The following HUWE1 variants were observed in gnomAD, a reference collection of about 807,000 sequenced individuals.
HUWE1 encodes HECT, UBA and WWE domain containing E3 ubiquitin protein ligase 1.
HUWE1 carries 18 observed loss-of-function variants against 299.4 expected under a neutral mutation model. The ratio of observed to expected loss-of-function variants is 0.06; its 90% CI spans 0.04 to 0.09. HUWE1 has a LOEUF of 0.09. Ranked by LOEUF, HUWE1 falls within the 10% of genes least tolerant of loss-of-function variation. The probability of loss-of-function intolerance (pLI) is 1.00; values close to 1 mark genes in which losing one functional copy is unlikely to be tolerated. For missense variants in HUWE1, 1,832 were observed against 3,462.3 expected (o/e 0.53, Z 11.82); for synonymous variants, 1,317 against 1,286.1 (o/e 1.02, Z -0.51).
At chrX:53,658,113 A>T (rs1458280804) in intron 3 of HUWE1, among the ~76,000 whole-genome samples, 1 of 110,025 alleles carries the variant, frequency 9.1e-6, no homozygotes, top group Non-Finnish European at 1.9e-5. Flanking sequence ...TTTGAAATAA[A>T]AAACATTTAT....
At chrX:53,668,764 A>G (rs2069378876) in intron 3 of HUWE1, among the ~76,000 whole-genome samples, 2 of 112,438 alleles carry the variant, frequency 1.8e-5, no homozygotes, top group South Asian at 7.2e-4. Context: ...AGACAGAAAT[A>G]CAGATATATA....
At chrX:53,548,391 G>C in intron 67 of HUWE1, 118 bp from the exon 68 acceptor site, 2 of 842,656 alleles carry the variant, frequency 2.4e-6, no homozygotes, top group Non-Finnish European at 3.4e-6. Flanking sequence ...GTAAATATTG[G>C]GGGATATGTC....
chrX:53,547,590 G>A, intron 68 of HUWE1, 83 bp downstream of exon 68: 2 of 1,168,704 alleles, frequency 1.7e-6, no homozygotes, highest in Non-Finnish European at 1.1e-6. Flanking sequence ...CTATCACTGA[G>A]GGAGAACTAT....
intron 7 of HUWE1, among the ~76,000 whole-genome samples, chrX:53,636,526 C>T (rs1557026548): frequency 8.9e-6 from 1 of 112,029 alleles, no homozygotes; most frequent in Non-Finnish European, 1.9e-5. Context: ...GAGTTCGACA[C>T]CAGCTTGCCC....
At chrX:53,635,601 A>G (rs1297667411) in intron 7 of HUWE1, among the ~76,000 whole-genome samples, 3 of 112,091 alleles carry the variant, frequency 2.7e-5, no homozygotes, top group Admixed American at 1.9e-4. Flanking sequence ...TACAGCTGTG[A>G]GCCACCTTGC....
At chrX:53,581,150 C>T in intron 42 of HUWE1, 124 bp from the exon 43 acceptor site, 1 of 555,969 alleles carries the variant, frequency 1.8e-6, no homozygotes, top group Non-Finnish European at 2.8e-6. Context: ...TTTTTAAGTC[C>T]CGTCCCATCC....
chrX:53,566,133 GTATATATATATATATATA>G (rs71830310), intron 49 of HUWE1, among the ~76,000 whole-genome samples: 1 of 38,989 alleles, frequency 2.6e-5, no homozygotes, highest in African/African-American at 9.7e-5. Context: ...GTGTGTGTGT[GTATATATATATATATATA>G]TATATATATA....
At chrX:53,619,919 T>C (rs2066037290) in intron 19 of HUWE1, among the ~76,000 whole-genome samples, 1 of 112,000 alleles carries the variant, frequency 8.9e-6, no homozygotes, top group Non-Finnish European at 1.9e-5. Flanking sequence ...CCCAATATGT[T>C]CTTTGTGCCC....
rs192642598 is a variant in HUWE1 at position 53,656,950 on chromosome X, T to C, written c.-24-2819A>G. ...AAAAAACAATTCAGTCAAGGAAAGA[T>C]AGTTTTATCAACAAATGGTGCCAGA... On this transcript the variant is annotated intron_variant, in intron 3 of 83. Coordinates refer to ENST00000262854, the MANE Select transcript of HUWE1 (RefSeq NM_031407.7). 2.2e-3 allele frequency among the ~76,000 whole-genome samples: 239 copies of C among 110,385 alleles called. 2 individuals are homozygous for C. The highest frequency in any genetic ancestry group is 7.7e-3 in the African/African-American group (233 of 30,418).
chrX:53,602,861 T>G (rs968365583), intron 27 of HUWE1, among the ~76,000 whole-genome samples: 1 of 107,824 alleles, frequency 9.3e-6, no homozygotes, highest in East Asian at 2.9e-4. Context: ...TTTCTTTTTT[T>G]TTTTTTGGAG....
intron 68 of HUWE1, 71 bp downstream of exon 68, chrX:53,547,602 T>C: frequency 8.5e-7 from 1 of 1,182,471 alleles, no homozygotes; most frequent in Non-Finnish European, 1.1e-6. Context: ...GAGAACTATC[T>C]GGATGGAAAA....
chrX:53,598,796 T>G (rs1240580492), intron 29 of HUWE1, among the ~76,000 whole-genome samples: 1 of 111,628 alleles, frequency 9.0e-6, no homozygotes, highest in Non-Finnish European at 1.9e-5. Flanking sequence ...ATCTATGTCT[T>G]TTCAGGATAT....
At chrX:53,571,713 C>A (rs1327972859) in intron 47 of HUWE1, among the ~76,000 whole-genome samples, 1 of 111,481 alleles carries the variant, frequency 9.0e-6, no homozygotes, top group Non-Finnish European at 1.9e-5. Context: ...AGAGAATGAA[C>A]AAATGGCCAA....
intron 43 of HUWE1, among the ~76,000 whole-genome samples, chrX:53,577,570 C>G (rs1269841729): frequency 8.9e-6 from 1 of 112,365 alleles, no homozygotes; most frequent in Non-Finnish European, 1.9e-5. Flanking sequence ...TGATGCCGAG[C>G]CAAAGCTGGA....
Position 53,575,665 on chromosome X carries a change from G to A in HUWE1, c.6008C>T (p.Thr2003Met), listed in dbSNP as rs782477771. 10 of 1,211,005 alleles carry A rather than the reference G, an allele frequency of 8.3e-6. No homozygotes were observed. In the East Asian group the frequency reaches 8.9e-5, roughly 11 times the overall value. The change falls in exon 45 of 84, where the codon ACG (threonine) becomes ATG (methionine). Residue 2003 changes from threonine (T) to methionine (M), a missense_variant. Physicochemically the swap from Thr to Met is moderately conservative, Grantham distance 81 (BLOSUM62 -1). Around this residue, in one of 15 missense-constraint regions of HUWE1, gnomAD observed 157 missense variants for 252.3 expected, o/e 0.62. Transcript: ENST00000262854. ...SLTRQSSDFD[T>M]QSGFSINSQV... ...TACATTAATGGAAAAACCTGACTGCGTATCAAAGTCACTGCTCTGACGCGT... is the reference window on the plus strand; with the variant it reads ...TACATTAATGGAAAAACCTGACTGCATATCAAAGTCACTGCTCTGACGCGT...
intron 74 of HUWE1, among the ~76,000 whole-genome samples, chrX:53,540,511 T>C (rs782789937): frequency 9.0e-6 from 1 of 111,646 alleles, no homozygotes; most frequent in East Asian, 2.8e-4. Flanking sequence ...GTATTTTTAG[T>C]AGAGACTTGG....
chrX:53,620,345 T>G (rs1323326974), intron 19 of HUWE1, among the ~76,000 whole-genome samples: 1 of 105,826 alleles, frequency 9.4e-6, no homozygotes, highest in Non-Finnish European at 1.9e-5. Flanking sequence ...AGCCTCAACC[T>G]CCAGTACTTA....
intron 13 of HUWE1, among the ~76,000 whole-genome samples, 157 bp downstream of exon 13, chrX:53,629,359 C>T (rs1255541507): frequency 1.8e-5 from 2 of 110,894 alleles, no homozygotes; most frequent in Admixed American, 1.9e-4. Context: ...GTATACGAAA[C>T]ATCAATGAAT....
intron 26 of HUWE1, among the ~76,000 whole-genome samples, chrX:53,604,204 G>T (rs781820624): frequency 8.9e-6 from 1 of 111,805 alleles, no homozygotes; most frequent in African/African-American, 3.2e-5. Context: ...CAGGTCAAAC[G>T]TTTGATATGT....
Sources: allele counts gnomAD v4.1 joint callset (sites outside exome capture counted in the v4.1 genomes callset), GRCh38; gene constraint gnomAD v4.1.1; regional missense constraint gnomAD v4.1.1; transcripts MANE v1.5; gene names NCBI Gene and HGNC (gene_info 2026-07-23, HGNC 2026-07-21).